Variants in PPA1 observed in about 807,000 individuals in gnomAD.
PPA1 encodes inorganic pyrophosphatase.
A neutral mutation model predicts 41.8 loss-of-function variants in PPA1; 23 were observed. That is an observed-to-expected ratio of 0.55 (90% CI 0.40 to 0.78). The LOEUF (loss-of-function observed/expected upper bound fraction) is 0.78. PPA1 is among the 30% of genes least tolerant of loss of function. PPA1 has a pLI of 0.00. For synonymous variants in PPA1, 101 were observed against 116.8 expected, an observed-to-expected ratio of 0.86 and a Z score of 0.87; for missense variants, 320 against 361.6, an observed-to-expected ratio of 0.89 and a Z score of 0.93.
At chr10:70,226,087 C>T (rs1840227153) in intron 2 of PPA1, among the ~76,000 whole-genome samples, 1 of 152,120 alleles carries the variant, frequency 6.6e-6, no homozygotes, top group Non-Finnish European at 1.5e-5. Context: ...GTTAAGATTC[C>T]AAGGGAGATC....
intron 2 of PPA1, among the ~76,000 whole-genome samples, chr10:70,222,709 G>C (rs1840188742): frequency 6.6e-6 from 1 of 151,984 alleles, no homozygotes; most frequent in Non-Finnish European, 1.5e-5. Context: ...AAGTTTTAGG[G>C]TATATGTGCA....
intron 6 of PPA1, among the ~76,000 whole-genome samples, chr10:70,213,078 TAG>T (rs1840040347): frequency 6.6e-6 from 1 of 152,142 alleles, no homozygotes; most frequent in African/African-American, 2.4e-5. Context: ...GTTCTGCAAT[TAG>T]AGAGTGGTGA....
intron 2 of PPA1, among the ~76,000 whole-genome samples, chr10:70,220,176 C>T (rs1332811144): frequency 1.3e-5 from 2 of 151,680 alleles, no homozygotes; most frequent in Non-Finnish European, 2.9e-5. Context: ...GTGATCCACC[C>T]GCCTCAGCCT....
chr10:70,231,904 A>G (rs1245438495), intron 1 of PPA1, among the ~76,000 whole-genome samples: 1 of 152,208 alleles, frequency 6.6e-6, no homozygotes, highest in Non-Finnish European at 1.5e-5. Context: ...TGTTCTGCAT[A>G]TATAGCTTGA....
chr10:70,231,492 G>A (rs1013392770), intron 1 of PPA1, among the ~76,000 whole-genome samples: 7 of 152,182 alleles, frequency 4.6e-5, no homozygotes, highest in African/African-American at 1.7e-4. Context: ...ACTTGAACCC[G>A]GGAGGCTGAA....
At chr10:70,222,389 G>C (rs1306048409) in intron 2 of PPA1, among the ~76,000 whole-genome samples, 1 of 149,128 alleles carries the variant, frequency 6.7e-6, no homozygotes, top group Non-Finnish European at 1.5e-5. Context: ...ACAACAAGGA[G>C]TACCTGCAAA....
chr10:70,213,400 G>A, intron 6 of PPA1, 63 bp downstream of exon 6: 1 of 1,579,300 alleles, frequency 6.3e-7, no homozygotes, highest in Non-Finnish European at 8.6e-7. Flanking sequence ...TGTCATTATA[G>A]GTTAAGTATG....
rs115653782 is a variant in PPA1, at chr10:70,222,528, T to A, written c.124-3711A>T. ...AAAAGTTCTTTTAACTCCCAAAGAG[T>A]TGGATTTCCAAATCAGGTACTTCCT... is the stretch of plus-strand genomic sequence containing the variant. On this transcript the variant is annotated intron_variant, in intron 2 of 10. Coordinates refer to ENST00000373232, the MANE Select transcript of PPA1 (RefSeq NM_021129.4). Among the ~76,000 whole-genome samples the A allele has an allele frequency of 3.9e-3, 594 of 152,064 alleles. 3 individuals carry two copies. The highest frequency in any genetic ancestry group is 0.014 in the African/African-American group (568 of 41,450).
intron 2 of PPA1, among the ~76,000 whole-genome samples, chr10:70,222,673 A>C (rs1167824228): frequency 6.6e-6 from 1 of 152,016 alleles, no homozygotes; most frequent in Non-Finnish European, 1.5e-5. Flanking sequence ...AATGTTTAGC[A>C]CACTTTTTTT....
chr10:70,208,145 A>G (rs997292856), intron 8 of PPA1, among the ~76,000 whole-genome samples: 2 of 152,122 alleles, frequency 1.3e-5, no homozygotes, highest in Non-Finnish European at 1.5e-5. Context: ...AGCCGAGATC[A>G]TGCCATTGCA....
intron 2 of PPA1, 141 bp downstream of exon 2, chr10:70,230,200 C>A: frequency 9.9e-7 from 1 of 1,006,874 alleles, no homozygotes; most frequent in Non-Finnish European, 1.5e-6. Flanking sequence ...TGAGCCACCA[C>A]GCCCAGCCTA....
intron 10 of PPA1, 47 bp from the exon 11 acceptor site, chr10:70,203,233 C>A (rs1375271398): frequency 9.6e-6 from 14 of 1,462,070 alleles, no homozygotes; most frequent in South Asian, 3.4e-5. Context: ...TGTTGAGAAT[C>A]AAAAATACAC....
chr10:70,205,985 C>T, intron 9 of PPA1: 1 of 368,800 alleles, frequency 2.7e-6, no homozygotes, highest in Middle Eastern at 8.2e-4. Flanking sequence ...CATAGGCACA[C>T]AGGTTACTTG....
At chr10:70,218,495 G>C in intron 3 of PPA1, 1 of 419,864 alleles carries the variant, frequency 2.4e-6, no homozygotes, top group South Asian at 3.1e-5. Flanking sequence ...GGCTTACAGA[G>C]AGTAAGAGGA....
chr10:70,230,070 G>A (rs946658567), intron 2 of PPA1, among the ~76,000 whole-genome samples: 4 of 151,964 alleles, frequency 2.6e-5, no homozygotes, highest in Admixed American at 6.6e-5. Context: ...CACCATGCCC[G>A]GCTAATTTTT....
intron 1 of PPA1, among the ~76,000 whole-genome samples, chr10:70,231,726 TAACTA>T (rs1840291173): frequency 6.6e-6 from 1 of 152,260 alleles, no homozygotes; most frequent in Admixed American, 6.5e-5. Flanking sequence ...TAAAATTGGA[TAACTA>T]TGTAGTGGGT....
At chr10:70,214,943 C>T (rs931898549) in intron 4 of PPA1, among the ~76,000 whole-genome samples, 12 of 152,096 alleles carry the variant, frequency 7.9e-5, no homozygotes, top group African/African-American at 2.7e-4. Flanking sequence ...GCCTGTAATT[C>T]CAGCACTTTG....
At chr10:70,221,015 A>C (rs1367368900) in intron 2 of PPA1, among the ~76,000 whole-genome samples, 1 of 70,636 alleles carries the variant, frequency 1.4e-5, no homozygotes, top group African/African-American at 6.9e-5. Flanking sequence ...CATATATATA[A>C]TTTATATATA....
intron 2 of PPA1, among the ~76,000 whole-genome samples, chr10:70,221,053 A>T (rs1840156372): frequency 1.9e-5 from 1 of 51,522 alleles, no homozygotes; most frequent in Non-Finnish European, 2.8e-5. Context: ...ATATATATAT[A>T]TAATTTATAT....
Sources: allele counts gnomAD v4.1 joint callset (sites outside exome capture counted in the v4.1 genomes callset), GRCh38; gene constraint gnomAD v4.1.1; transcripts MANE v1.5; gene names NCBI Gene and HGNC (gene_info 2026-07-23, HGNC 2026-07-21).